Variants in CHCHD3 observed in about 807,000 individuals in gnomAD.
CHCHD3 encodes the protein MICOS complex subunit MIC19.
Under a neutral mutation model 38.2 loss-of-function variants are expected in CHCHD3, and 20 were observed. The observed-to-expected ratio is 0.52, with a 90% CI of 0.37 to 0.76. The LOEUF (loss-of-function observed/expected upper bound fraction) is 0.76. Among genes scored for constraint, CHCHD3 ranks in the 30% least tolerant of loss-of-function variants. CHCHD3 has a pLI of 0.00. For missense variants in CHCHD3, 245 were observed against 279.2 expected (o/e 0.88, Z 0.87); for synonymous variants, 82 against 100.0 (o/e 0.82, Z 1.07).
intron 4 of CHCHD3, among the ~76,000 whole-genome samples, chr7:132,960,182 C>A (rs1425967861): frequency 6.6e-6 from 1 of 152,074 alleles, no homozygotes; most frequent in African/African-American, 2.4e-5. Context: ...CCTGACTACA[C>A]CAAGAGCCTG....
At chr7:133,076,239 T>C (rs780885747) in intron 1 of CHCHD3, among the ~76,000 whole-genome samples, 1 of 152,112 alleles carries the variant, frequency 6.6e-6, no homozygotes, top group Non-Finnish European at 1.5e-5. Context: ...AGAAATTATT[T>C]GTAGCAAAGA....
chr7:132,835,337 C>T (rs1426849730), intron 6 of CHCHD3, among the ~76,000 whole-genome samples: 2 of 152,194 alleles, frequency 1.3e-5, no homozygotes, highest in Non-Finnish European at 2.9e-5. Context: ...TTCTCAGGAG[C>T]TTGGTCCAAA....
At chr7:132,957,989 T>C (rs888695174) in intron 4 of CHCHD3, among the ~76,000 whole-genome samples, 9 of 152,188 alleles carry the variant, frequency 5.9e-5, no homozygotes, top group Admixed American at 3.3e-4. Context: ...GCCAAATTAT[T>C]GCTTTAAAAT....
chr7:132,810,251 A>G lies in CHCHD3; in HGVS notation c.525-13674T>C, dbSNP rs544298692. ...AAATATAAAAACTAGAAGAAAATAC[A>G]CCTTCGAAGTATTTTATAGCTAATA... On this transcript the variant is annotated intron_variant, in intron 6 of 7. Coordinates refer to ENST00000262570, the MANE Select transcript of CHCHD3 (RefSeq NM_017812.4). Among the ~76,000 whole-genome samples the G allele has an allele frequency of 3.3e-5, 5 of 152,334 alleles. No homozygotes were observed. The East Asian group carries it at 5.8e-4, about 18-fold the overall frequency.
chr7:132,795,151 T>A (rs1806574538), intron 7 of CHCHD3, among the ~76,000 whole-genome samples: 1 of 152,156 alleles, frequency 6.6e-6, no homozygotes, highest in Non-Finnish European at 1.5e-5. Flanking sequence ...AAACATACAC[T>A]TTGTCACAAC....
chr7:132,842,847 T>C (rs142075210), intron 5 of CHCHD3, among the ~76,000 whole-genome samples: 3 of 152,290 alleles, frequency 2.0e-5, no homozygotes, highest in African/African-American at 4.8e-5. Flanking sequence ...AAGTGGTGTC[T>C]GCGGGGATTC....
At chr7:132,897,776 C>G (rs1301241257) in intron 4 of CHCHD3, among the ~76,000 whole-genome samples, 1 of 152,198 alleles carries the variant, frequency 6.6e-6, no homozygotes, top group African/African-American at 2.4e-5. Context: ...TCAAATCCAC[C>G]TGTATACTAT....
At chr7:132,825,194 T>C (rs560125391) in intron 6 of CHCHD3, among the ~76,000 whole-genome samples, 1 of 152,262 alleles carries the variant, frequency 6.6e-6, no homozygotes, top group Non-Finnish European at 1.5e-5. Context: ...TATGTGTTAA[T>C]ACTGAGGATG....
At chr7:133,015,866 C>A (rs1813015995) in intron 3 of CHCHD3, among the ~76,000 whole-genome samples, 1 of 152,048 alleles carries the variant, frequency 6.6e-6, no homozygotes, top group African/African-American at 2.4e-5. Context: ...TTTTGGGAGG[C>A]CTCAGGAAAC....
chr7:132,824,449 G>T (rs966001007), intron 6 of CHCHD3, among the ~76,000 whole-genome samples: 10 of 149,546 alleles, frequency 6.7e-5, no homozygotes, highest in African/African-American at 9.8e-5. Context: ...CTCCCCAGTA[G>T]CTGGGACAAC....
intron 4 of CHCHD3, among the ~76,000 whole-genome samples, chr7:132,959,321 C>A (rs1200609006): frequency 6.6e-6 from 1 of 152,200 alleles, no homozygotes; most frequent in Non-Finnish European, 1.5e-5. Context: ...AGAGCATACC[C>A]TTAATACACA....
chr7:132,791,189 C>T (rs1267857048), intron 7 of CHCHD3, among the ~76,000 whole-genome samples: 1 of 152,180 alleles, frequency 6.6e-6, no homozygotes, highest in Non-Finnish European at 1.5e-5. Context: ...CAGGCCTCAC[C>T]CCAGACCTTC....
chr7:132,875,855 C>T (rs180844215), intron 5 of CHCHD3, among the ~76,000 whole-genome samples: 60 of 152,336 alleles, frequency 3.9e-4, no homozygotes, highest in Admixed American at 7.8e-4. Flanking sequence ...AAATGCCAAC[C>T]TTACTGTGCA....
intron 2 of CHCHD3, chr7:133,034,681 G>A (rs201236857): frequency 9.8e-5 from 158 of 1,612,780 alleles, no homozygotes; most frequent in Non-Finnish European, 1.9e-5. Flanking sequence ...AAGTACTCTC[G>A]AACCAGCGTC....
intron 3 of CHCHD3, among the ~76,000 whole-genome samples, chr7:133,001,664 TTAGC>T (rs1294531854): frequency 6.6e-6 from 1 of 152,202 alleles, no homozygotes; most frequent in African/African-American, 2.4e-5. Context: ...CTAGCTTCAC[TTAGC>T]TAGTTTTTCT....
chr7:133,057,469 G>C (rs1321012989), intron 2 of CHCHD3, among the ~76,000 whole-genome samples: 4 of 152,064 alleles, frequency 2.6e-5, no homozygotes, highest in African/African-American at 9.7e-5. Context: ...GCTGAGATAG[G>C]AGAATCTCCT....
intron 4 of CHCHD3, among the ~76,000 whole-genome samples, chr7:132,906,882 C>T (rs781529020): frequency 6.6e-6 from 1 of 152,124 alleles, no homozygotes; most frequent in Non-Finnish European, 1.5e-5. Flanking sequence ...GAGAACTTTG[C>T]AATTTGGTGG....
intron 6 of CHCHD3, among the ~76,000 whole-genome samples, chr7:132,820,898 T>C (rs1807358391): frequency 6.6e-6 from 1 of 152,198 alleles, no homozygotes; most frequent in African/African-American, 2.4e-5. Flanking sequence ...GTGAGAACTA[T>C]ATCATGAACT....
intron 3 of CHCHD3, chr7:133,022,410 A>T (rs1473925043): frequency 2.2e-6 from 1 of 456,692 alleles, no homozygotes; most frequent in Non-Finnish European, 4.4e-6. Flanking sequence ...ACATACAATA[A>T]CGTATACATG....
Sources: allele counts gnomAD v4.1 joint callset (sites outside exome capture counted in the v4.1 genomes callset), GRCh38; gene constraint gnomAD v4.1.1; transcripts MANE v1.5; gene names NCBI Gene and HGNC (gene_info 2026-07-23, HGNC 2026-07-21).